The following SLC2A9 variants were observed in gnomAD, a reference collection of about 807,000 sequenced individuals.
The protein encoded by SLC2A9 is solute carrier family 2, facilitated glucose transporter member 9.
In SLC2A9, 39 loss-of-function variants were observed where a neutral mutation model predicts 50.6. The observed-to-expected ratio is 0.77, with a 90% CI of 0.60 to 1.01. The LOEUF is 1.01. SLC2A9 is among the 50% of genes least tolerant of loss of function. The pLI is 0.00. For synonymous variants in SLC2A9, 324 were observed against 276.9 expected (o/e 1.17, Z -1.69); for missense variants, 686 against 677.6 (o/e 1.01, Z -0.14).
chr4:9,874,058 G>C (rs1370079050), intron 10 of SLC2A9, among the ~76,000 whole-genome samples: 1 of 152,078 alleles, frequency 6.6e-6, no homozygotes, highest in African/African-American at 2.4e-5. Flanking sequence ...CGATGATCTG[G>C]CCACCACTTT....
chr4:9,951,088 C>A (rs1311394362), intron 5 of SLC2A9, among the ~76,000 whole-genome samples: 1 of 152,104 alleles, frequency 6.6e-6, no homozygotes, highest in African/African-American at 2.4e-5. Context: ...ATGGAATCAA[C>A]CTAAGTGTCC....
At position 9,879,451 on chromosome 4, in the gene SLC2A9, G is replaced by T. The variant is rs145058214; in HGVS notation, c.1291+8116C>A. On this transcript the variant is annotated intron_variant, in intron 10 of 11. Coordinates refer to ENST00000264784, the MANE Select transcript of SLC2A9 (RefSeq NM_020041.3). ...CTGCCTGTGGCTCCAGATGGCTGCA[G>T]TGCAGGGAGAATGCGGGATAGAGAG... 1.5e-4 allele frequency: 146 copies of T among 985,328 alleles called. 2 individuals are homozygous for T. The East Asian group carries it at 9.5e-3, about 64-fold the overall frequency. 61.0% of individuals were successfully genotyped at this position (985,328 alleles called of 1,614,324 possible). A position where few individuals can be genotyped will look rare whatever the true frequency, so the allele number is the denominator to read the frequency against.
At chr4:9,792,336 C>T (rs2108888757) in intron 3 of SLC2A9, among the ~76,000 whole-genome samples, 1 of 149,524 alleles carries the variant, frequency 6.7e-6, no homozygotes. Context: ...ACCACCACAC[C>T]TGGATAGTTT....
At chr4:9,809,907 C>T (rs562818809) in intron 3 of SLC2A9, among the ~76,000 whole-genome samples, 4 of 150,666 alleles carry the variant, frequency 2.7e-5, no homozygotes, top group Non-Finnish European at 5.9e-5. Context: ...CCGGTCTAGA[C>T]AGATGCATGC....
chr4:9,789,712 C>T (rs1448565845), intron 3 of SLC2A9, among the ~76,000 whole-genome samples: 1 of 152,236 alleles, frequency 6.6e-6, no homozygotes. Context: ...CAGGCAGAGC[C>T]ATCAGACTTT....
chr4:9,926,754 A>G (rs1171533829), intron 6 of SLC2A9, among the ~76,000 whole-genome samples: 1 of 152,124 alleles, frequency 6.6e-6, no homozygotes, highest in Non-Finnish European at 1.5e-5. Flanking sequence ...TATAATTAAT[A>G]TGTAAGTTAT....
At chr4:9,784,733 ATAT>A (rs1394345713) in intron 3 of SLC2A9, among the ~76,000 whole-genome samples, 3 of 152,226 alleles carry the variant, frequency 2.0e-5, no homozygotes, top group Admixed American at 2.0e-4. Context: ...AGTTGAGAGC[ATAT>A]TATTACCATC....
intron 3 of SLC2A9, among the ~76,000 whole-genome samples, chr4:9,810,651 T>G (rs1473627103): frequency 6.6e-6 from 1 of 152,266 alleles, no homozygotes; most frequent in Non-Finnish European, 1.5e-5. Context: ...CTAACCAGTT[T>G]GCTGGAAGCC....
At chr4:9,860,631 C>G (rs1248957244) in intron 10 of SLC2A9, among the ~76,000 whole-genome samples, 1 of 152,226 alleles carries the variant, frequency 6.6e-6, no homozygotes, top group Non-Finnish European at 1.5e-5. Flanking sequence ...AGGGCCCCAC[C>G]TTTCCCATCT....
At chr4:9,870,363 G>T (rs553336991) in intron 10 of SLC2A9, among the ~76,000 whole-genome samples, 1 of 152,348 alleles carries the variant, frequency 6.6e-6, no homozygotes, top group East Asian at 1.9e-4. Flanking sequence ...ACAGTGAAGA[G>T]GAAGACAGCT....
chr4:9,966,151 C>T (rs1393845180), intron 5 of SLC2A9, among the ~76,000 whole-genome samples: 2 of 152,072 alleles, frequency 1.3e-5, no homozygotes, highest in Non-Finnish European at 2.9e-5. Flanking sequence ...GAGACTAATG[C>T]CCTTGTGCCC....
chr4:9,834,311 G>C (rs1456256811), intron 11 of SLC2A9, among the ~76,000 whole-genome samples: 2 of 152,176 alleles, frequency 1.3e-5, no homozygotes, highest in Non-Finnish European at 2.9e-5. Flanking sequence ...GCCTAGAAAA[G>C]TGCCTGGCAC....
At chr4:9,916,616 G>T (rs1309677012) in intron 7 of SLC2A9, among the ~76,000 whole-genome samples, 1 of 152,174 alleles carries the variant, frequency 6.6e-6, no homozygotes, top group Non-Finnish European at 1.5e-5. Context: ...TGTGCAAACT[G>T]AGTATTATCA....
At chr4:9,974,560 A>C (rs894734379) in intron 5 of SLC2A9, among the ~76,000 whole-genome samples, 4 of 152,102 alleles carry the variant, frequency 2.6e-5, no homozygotes, top group Non-Finnish European at 5.9e-5. Flanking sequence ...AGGAGGTGAA[A>C]GATTTAAATA....
At chr4:9,979,338 C>T (rs1755317148) in intron 5 of SLC2A9, among the ~76,000 whole-genome samples, 1 of 151,944 alleles carries the variant, frequency 6.6e-6, no homozygotes, top group Non-Finnish European at 1.5e-5. Context: ...GTTATGTTTG[C>T]CCCCTGCTGC....
At chr4:9,979,476 T>C (rs1036134214) in intron 5 of SLC2A9, among the ~76,000 whole-genome samples, 4 of 152,070 alleles carry the variant, frequency 2.6e-5, no homozygotes, top group South Asian at 2.1e-4. Flanking sequence ...GCCCTGCCTG[T>C]GTGAGTGGGA....
At chr4:9,911,302 TCA>T (rs1323127659) in intron 7 of SLC2A9, among the ~76,000 whole-genome samples, 1 of 151,958 alleles carries the variant, frequency 6.6e-6, no homozygotes, top group Non-Finnish European at 1.5e-5. Flanking sequence ...GACCTGTACA[TCA>T]CACACACTGC....
intron 3 of SLC2A9, among the ~76,000 whole-genome samples, chr4:9,811,057 C>T (rs1722824185): frequency 6.6e-6 from 1 of 152,136 alleles, no homozygotes; most frequent in South Asian, 2.1e-4. Context: ...TACTTCTTGC[C>T]CTCTACCCTG....
intron 2 of SLC2A9, among the ~76,000 whole-genome samples, chr4:10,001,065 A>G (rs1297682033): frequency 1.3e-5 from 2 of 152,264 alleles, no homozygotes; most frequent in African/African-American, 4.8e-5. Flanking sequence ...ATAATTAATT[A>G]AGAAGAGGTC....
Sources: allele counts gnomAD v4.1 joint callset (sites outside exome capture counted in the v4.1 genomes callset), GRCh38; gene constraint gnomAD v4.1.1; transcripts MANE v1.5; gene names NCBI Gene and HGNC (gene_info 2026-07-23, HGNC 2026-07-21).